Variants in GPR39 observed in about 807,000 individuals in gnomAD.
GPR39 encodes the protein zinc sensing receptor.
GPR39 carries 23 observed loss-of-function variants against 18.4 expected under a neutral mutation model. The observed-to-expected ratio is 1.25, with a 90% CI of 0.90 to 1.77. The LOEUF (loss-of-function observed/expected upper bound fraction) is 1.77. Ranked by LOEUF, GPR39 falls within the 40% of genes most tolerant of loss-of-function variation. The pLI, the probability that GPR39 is intolerant of heterozygous loss-of-function variation, is 0.00. For missense variants in GPR39, 647 were observed against 602.4 expected, an observed-to-expected ratio of 1.07 and a Z score of -0.78; for synonymous variants, 280 against 257.9, an observed-to-expected ratio of 1.09 and a Z score of -0.82.
chr2:132,483,146 G>C (rs1019959234), intron 1 of GPR39, among the ~76,000 whole-genome samples: 1 of 152,132 alleles, frequency 6.6e-6, no homozygotes, highest in Non-Finnish European at 1.5e-5. Flanking sequence ...CACCATATAG[G>C]GTTGTAATGA....
rs961319702 is a variant in GPR39, at chr2:132,417,809, C to A, written c.767C>A (p.Ser256Ter). 1 of 1,614,038 alleles carries A rather than the reference C, an allele frequency of 6.2e-7. No individual in the cohort carries two copies. The highest frequency in any genetic ancestry group is 8.5e-7 in the Non-Finnish European group (1 of 1,180,028). ...GTGCTCATGAAAAGCCAGAAGGGCT[C>A]GCTGGCCGGGGGCACGCGGCCTCCG... ...MQVLMKSQKG[S>*]LAGGTRPPQL... is the part of the protein sequence containing the mutation. Residue 256 changes from serine to a stop codon, truncating the protein, a stop_gained, in exon 1 of 2, where the codon TCG (serine) becomes TAG (stop). Coordinates refer to ENST00000329321, the MANE Select transcript of GPR39 (RefSeq NM_001508.3). LOFTEE classifies it high-confidence loss of function.
intron 1 of GPR39, among the ~76,000 whole-genome samples, chr2:132,532,059 G>T (rs574858625): frequency 6.6e-6 from 1 of 152,208 alleles, no homozygotes; most frequent in Non-Finnish European, 1.5e-5. Flanking sequence ...ATGAATCCAG[G>T]AGCTGGTTTT....
intron 1 of GPR39, among the ~76,000 whole-genome samples, chr2:132,546,640 C>T (rs1012249076): frequency 2.0e-5 from 3 of 151,814 alleles, no homozygotes; most frequent in Admixed American, 1.3e-4. Context: ...CCCTTCCCTC[C>T]CCTCTTTCTG....
intron 1 of GPR39, among the ~76,000 whole-genome samples, chr2:132,496,859 A>G (rs946599477): frequency 7.2e-5 from 11 of 152,190 alleles, no homozygotes; most frequent in African/African-American, 2.7e-4. Flanking sequence ...TGATGGCTCC[A>G]TGGTGTCAGT....
rs3219552 is a variant in GPR39, at chr2:132,451,174, T to TGTGTGTGTGTGTGTGTGTGC, written c.856+33277_856+33278insTGTGTGTGTGTGTGTGTGCG. Among the ~76,000 whole-genome samples the TGTGTGTGTGTGTGTGTGTGC allele has an allele frequency of 1.3e-3, 191 of 150,458 alleles. 1 individual carries two copies. Among genetic ancestry groups the TGTGTGTGTGTGTGTGTGTGC allele is most frequent in the African/African-American group, 4.4e-3 (181 of 40,976 alleles). Reference sequence around the variant, plus strand: ...GTGTGTGTGTGTGTGTGTGTGTGTGTGCACGCGCGTGAAATGCTTTGCCCT... The same window carrying TGTGTGTGTGTGTGTGTGTGC: ...GTGTGTGTGTGTGTGTGTGTGTGTGTGTGTGTGTGTGTGTGTGTGCGCACGCGCGTGAAATGCTTTGCCCT... On this transcript the variant is annotated intron_variant, in intron 1 of 1. Transcript: ENST00000329321.
At position 132,645,397 on chromosome 2, in the gene GPR39, G is replaced by A. The variant is rs368703441; in HGVS notation, c.1153G>A (p.Ala385Thr). 12 of 1,613,504 alleles carry A rather than the reference G, an allele frequency of 7.4e-6. No individual in the cohort carries two copies. Among genetic ancestry groups the A allele is most frequent in the African/African-American group, 2.7e-5 (2 of 74,930 alleles). Residue 385 changes from alanine (A) to threonine (T), a missense_variant, in exon 2 of 2, where the codon GCC (alanine) becomes ACC (threonine). Coordinates refer to ENST00000329321, the MANE Select transcript of GPR39 (RefSeq NM_001508.3). ...RVHAHSTTDSARFVQRPLLFA... is the reference protein window; with the variant it reads ...RVHAHSTTDSTRFVQRPLLFA... ...ACATGCGCACTCCACCACCGACAGC[G>A]CCCGCTTTGTGCAGCGCCCGTTGCT...
chr2:132,583,397 G>T (rs962162488), intron 1 of GPR39, among the ~76,000 whole-genome samples: 5 of 138,466 alleles, frequency 3.6e-5, no homozygotes, highest in African/African-American at 1.3e-4. Context: ...AAAAAAAAAA[G>T]TGCCAAAGCT....
chr2:132,510,083 C>G (rs1290029301), intron 1 of GPR39, among the ~76,000 whole-genome samples: 1 of 152,214 alleles, frequency 6.6e-6, no homozygotes, highest in Non-Finnish European at 1.5e-5. Context: ...TGGCATGGAT[C>G]AAATGAATGA....
chr2:132,509,531 G>C (rs7602944), intron 1 of GPR39, among the ~76,000 whole-genome samples: 53,232 of 151,888 alleles, frequency 0.35, 10,410 homozygotes, highest in East Asian at 0.79. Context: ...CAGACATAGA[G>C]ACATACTTAT....
intron 1 of GPR39, among the ~76,000 whole-genome samples, chr2:132,536,078 C>T (rs1238960636): frequency 2.0e-5 from 3 of 147,342 alleles, no homozygotes; most frequent in African/African-American, 7.4e-5. Context: ...TCCTTCAGTT[C>T]TGGTCTGATC....
chr2:132,420,453 G>A (rs781195052), intron 1 of GPR39, among the ~76,000 whole-genome samples: 12 of 152,106 alleles, frequency 7.9e-5, no homozygotes, highest in Non-Finnish European at 1.2e-4. Context: ...GTGCTTTGGG[G>A]CATTTTTAAC....
intron 1 of GPR39, among the ~76,000 whole-genome samples, chr2:132,557,180 A>T (rs1352173741): frequency 6.6e-6 from 1 of 152,054 alleles, no homozygotes; most frequent in Non-Finnish European, 1.5e-5. Flanking sequence ...TTAGCTGGGC[A>T]TATTGGTGGG....
At chr2:132,573,279 T>C (rs1269546360) in intron 1 of GPR39, among the ~76,000 whole-genome samples, 1 of 152,214 alleles carries the variant, frequency 6.6e-6, no homozygotes, top group African/African-American at 2.4e-5. Context: ...TTCCTCTATT[T>C]TTCCCTCTGT....
At chr2:132,445,165 A>ATT (rs60936866) in intron 1 of GPR39, among the ~76,000 whole-genome samples, 76,986 of 151,986 alleles carry the variant, frequency 0.51, 21,177 homozygotes, top group Non-Finnish European at 0.62. Flanking sequence ...TTACTCGTAC[A>ATT]TGTAAACTAC....
At chr2:132,532,988 C>G (rs1402937724) in intron 1 of GPR39, among the ~76,000 whole-genome samples, 1 of 152,040 alleles carries the variant, frequency 6.6e-6, no homozygotes, top group Non-Finnish European at 1.5e-5. Flanking sequence ...GTTGGAAGTT[C>G]TGGCCAGGGC....
At chr2:132,607,757 G>A (rs1681165056) in intron 1 of GPR39, among the ~76,000 whole-genome samples, 1 of 152,188 alleles carries the variant, frequency 6.6e-6, no homozygotes, top group African/African-American at 2.4e-5. Context: ...TAAAATGGCT[G>A]TAAGCTGCAA....
chr2:132,591,331 C>T (rs1680840157), intron 1 of GPR39, among the ~76,000 whole-genome samples: 1 of 151,030 alleles, frequency 6.6e-6, no homozygotes, highest in Non-Finnish European at 1.5e-5. Context: ...CTTCTGGCCT[C>T]CATCTTTCTC....
chr2:132,461,934 T>C (rs1412741354), intron 1 of GPR39, among the ~76,000 whole-genome samples: 2 of 152,178 alleles, frequency 1.3e-5, no homozygotes, highest in Non-Finnish European at 2.9e-5. Context: ...CCCCAGACTT[T>C]CATTCTGGCT....
intron 1 of GPR39, among the ~76,000 whole-genome samples, chr2:132,620,812 G>A (rs1190543616): frequency 2.6e-5 from 4 of 152,094 alleles, no homozygotes; most frequent in Admixed American, 2.6e-4. Context: ...GAGTGCAGTG[G>A]CACAATCTCT....
Sources: allele counts gnomAD v4.1 joint callset (sites outside exome capture counted in the v4.1 genomes callset), GRCh38; gene constraint gnomAD v4.1.1; transcripts MANE v1.5; gene names NCBI Gene and HGNC (gene_info 2026-07-23, HGNC 2026-07-21).